Variants in VAV3 observed in about 807,000 individuals in gnomAD.
VAV3 encodes vav guanine nucleotide exchange factor 3.
Under a neutral mutation model 131.2 loss-of-function variants are expected in VAV3, and 94 were observed. The observed-to-expected ratio is 0.72, with a 90% CI of 0.61 to 0.85. The LOEUF is 0.85. Ranked by LOEUF, VAV3 falls within the 40% of genes least tolerant of loss-of-function variation. The pLI is 0.00. For synonymous variants in VAV3, 349 were observed against 342.0 expected, an observed-to-expected ratio of 1.02 and a Z score of -0.22; for missense variants, 939 against 1,002.7, an observed-to-expected ratio of 0.94 and a Z score of 0.86.
At chr1:107,893,998 C>T (rs1671449926) in intron 1 of VAV3, among the ~76,000 whole-genome samples, 1 of 152,134 alleles carries the variant, frequency 6.6e-6, no homozygotes, top group Non-Finnish European at 1.5e-5. Flanking sequence ...TAAAGAAAGA[C>T]CCCTGGCATG....
chr1:107,636,495 T>A (rs1476838554), intron 20 of VAV3, among the ~76,000 whole-genome samples: 1 of 152,202 alleles, frequency 6.6e-6, no homozygotes, highest in African/African-American at 2.4e-5. Context: ...ATGCATTTAA[T>A]ACACCTACTG....
intron 2 of VAV3, among the ~76,000 whole-genome samples, chr1:107,804,967 T>G (rs1439406596): frequency 7.0e-6 from 1 of 142,870 alleles, no homozygotes; most frequent in Non-Finnish European, 1.5e-5. Context: ...GGGGGTTGGG[T>G]TTTTTTTTTG....
intron 1 of VAV3, among the ~76,000 whole-genome samples, chr1:107,932,257 T>C (rs1571158034): frequency 6.6e-6 from 1 of 152,372 alleles, no homozygotes; most frequent in Non-Finnish European, 1.5e-5. Context: ...CATTAAGACA[T>C]ACTTCTCAGG....
rs896411140 is a variant in VAV3 at position 107,703,418 on chromosome 1, G to A, written c.1705+1132C>T. Among the ~76,000 whole-genome samples, 6 of 152,274 alleles carry A rather than the reference G, an allele frequency of 3.9e-5. No individual in the cohort carries two copies. The South Asian group carries it at 6.2e-4, about 16-fold the overall frequency. On this transcript the variant is annotated intron_variant, in intron 17 of 26. Coordinates refer to ENST00000370056, the MANE Select transcript of VAV3 (RefSeq NM_006113.5). ...AAATGTGCAGGGCCATTCTGAAGAC[G>A]GAATGAGCTCATGCAAGAAGATGCC...
At chr1:107,912,400 C>T (rs1372276159) in intron 1 of VAV3, among the ~76,000 whole-genome samples, 1 of 152,106 alleles carries the variant, frequency 6.6e-6, no homozygotes, top group African/African-American at 2.4e-5. Flanking sequence ...CTGATTTTTT[C>T]CCTAACAACC....
chr1:107,763,786 T>C (rs996493937), intron 9 of VAV3, among the ~76,000 whole-genome samples: 10 of 152,172 alleles, frequency 6.6e-5, no homozygotes, highest in African/African-American at 2.2e-4. Flanking sequence ...TTTCCCTTTG[T>C]GGGAGTTGTG....
chr1:107,640,509 AG>A (rs1212359817), intron 20 of VAV3, among the ~76,000 whole-genome samples: 3 of 152,172 alleles, frequency 2.0e-5, no homozygotes, highest in Non-Finnish European at 2.9e-5. Context: ...GGGATTACCA[AG>A]GGGCACAAAA....
intron 15 of VAV3, among the ~76,000 whole-genome samples, chr1:107,725,887 A>G (rs1661810184): frequency 6.6e-6 from 1 of 152,166 alleles, no homozygotes. Flanking sequence ...CAGTCACAGT[A>G]GAATGTTTTA....
chr1:107,821,628 A>C (rs910403401), intron 2 of VAV3, among the ~76,000 whole-genome samples: 1 of 152,190 alleles, frequency 6.6e-6, no homozygotes, highest in Non-Finnish European at 1.5e-5. Context: ...GTAAAATGGA[A>C]GACAGAGGAG....
chr1:107,649,234 A>G (rs1052942559), intron 19 of VAV3, among the ~76,000 whole-genome samples: 8 of 152,052 alleles, frequency 5.3e-5, no homozygotes, highest in African/African-American at 1.9e-4. Flanking sequence ...ACTACACCCA[A>G]GTAATTCAGG....
At chr1:107,575,960 C>A (rs1175347935) in intron 25 of VAV3, among the ~76,000 whole-genome samples, 1 of 152,154 alleles carries the variant, frequency 6.6e-6, no homozygotes, top group African/African-American at 2.4e-5. Context: ...GTCATCTTTT[C>A]AAGTAATGTG....
intron 22 of VAV3, 84 bp from the exon 23 acceptor site, chr1:107,603,247 A>G: frequency 1.0e-6 from 1 of 969,492 alleles, no homozygotes. Flanking sequence ...TCAATATTTA[A>G]TTTAGTGGCA....
intron 15 of VAV3, among the ~76,000 whole-genome samples, chr1:107,732,204 A>G (rs906617049): frequency 5.3e-5 from 8 of 152,232 alleles, no homozygotes; most frequent in Non-Finnish European, 1.0e-4. Flanking sequence ...TTGCATCAAC[A>G]TTATAATGCT....
chr1:107,935,869 G>A (rs1342341377), intron 1 of VAV3, among the ~76,000 whole-genome samples: 1 of 152,176 alleles, frequency 6.6e-6, no homozygotes, highest in Non-Finnish European at 1.5e-5. Context: ...GGTATATCAG[G>A]TGATGGTCTA....
intron 25 of VAV3, among the ~76,000 whole-genome samples, chr1:107,591,172 CCTGA>C (rs1429565596): frequency 2.6e-5 from 4 of 152,100 alleles, no homozygotes; most frequent in Admixed American, 1.3e-4. Flanking sequence ...TTAAGTTTAG[CCTGA>C]CTGTCACTTC....
intron 1 of VAV3, among the ~76,000 whole-genome samples, chr1:107,890,562 A>C (rs909046506): frequency 1.3e-5 from 2 of 152,228 alleles, no homozygotes; most frequent in African/African-American, 4.8e-5. Flanking sequence ...ATAGTGAATT[A>C]ACAGTGTTTC....
chr1:107,658,581 C>T (rs968351824), intron 19 of VAV3, among the ~76,000 whole-genome samples: 5 of 151,886 alleles, frequency 3.3e-5, no homozygotes, highest in Admixed American at 2.0e-4. Flanking sequence ...TAAAAGTCTT[C>T]CTATTTCTCC....
At chr1:107,601,313 T>C (rs989430954) in intron 24 of VAV3, among the ~76,000 whole-genome samples, 2 of 152,186 alleles carry the variant, frequency 1.3e-5, no homozygotes, top group Admixed American at 6.5e-5. Flanking sequence ...TTTACATCCA[T>C]AGAGATTTTC....
At chr1:107,630,560 A>G (rs1211192717) in intron 20 of VAV3, among the ~76,000 whole-genome samples, 2 of 152,200 alleles carry the variant, frequency 1.3e-5, no homozygotes, top group African/African-American at 2.4e-5. Context: ...AAAATAAGCT[A>G]TTATTTCCTA....
Sources: allele counts gnomAD v4.1 joint callset (sites outside exome capture counted in the v4.1 genomes callset), GRCh38; gene constraint gnomAD v4.1.1; transcripts MANE v1.5; gene names NCBI Gene and HGNC (gene_info 2026-07-23, HGNC 2026-07-21).